The following SLC35D4 variants were observed in gnomAD, a reference collection of about 807,000 sequenced individuals.
The protein encoded by SLC35D4 is UDP-N-acetylglucosamine transporter SLC35D4.
chr18:23,430,362 C>A, the SLC35D4 span, among the ~76,000 whole-genome samples: 4 of 152,078 alleles, frequency 2.6e-5, no homozygotes, highest in South Asian at 8.3e-4. Context: ...TAATGAGACA[C>A]CACGCCTAGC....
At chr18:23,413,985 G>C in the SLC35D4 span, among the ~76,000 whole-genome samples, 7 of 149,668 alleles carry the variant, frequency 4.7e-5, no homozygotes, top group Non-Finnish European at 8.9e-5. Context: ...GGCTGGGCGC[G>C]GTGGCTCACG....
the SLC35D4 span, among the ~76,000 whole-genome samples, chr18:23,359,367 G>C: frequency 2.5e-4 from 36 of 144,368 alleles, no homozygotes; most frequent in East Asian, 7.3e-3. Context: ...CTGGGCGACA[G>C]AGTGAGACTC....
chr18:23,345,061 T>C, the SLC35D4 span, among the ~76,000 whole-genome samples: 1 of 152,208 alleles, frequency 6.6e-6, no homozygotes, highest in Admixed American at 6.5e-5. Flanking sequence ...CTAATAGTTT[T>C]CCAGTTTTAG....
the SLC35D4 span, chr18:23,297,233 T>C: frequency 1.3e-5 from 2 of 152,094 alleles, no homozygotes; most frequent in South Asian, 2.1e-4. Context: ...AAAATAAAAA[T>C]GAGAAAGGCC....
the SLC35D4 span, among the ~76,000 whole-genome samples, chr18:23,275,936 A>G: frequency 6.6e-6 from 1 of 152,226 alleles, no homozygotes; most frequent in Non-Finnish European, 1.5e-5. Flanking sequence ...GACCAGGGAC[A>G]GCGAAGGAAG....
chr18:23,287,154 G>A, the SLC35D4 span, among the ~76,000 whole-genome samples: 1 of 152,034 alleles, frequency 6.6e-6, no homozygotes, highest in East Asian at 1.9e-4. Context: ...CATTTTACCT[G>A]TCCTAAAACC....
the SLC35D4 span, among the ~76,000 whole-genome samples, chr18:23,413,954 A>T: frequency 3.4e-3 from 117 of 34,574 alleles, no homozygotes; most frequent in East Asian, 0.046. Flanking sequence ...AAAAAAAAAA[A>T]TTAAAAAAAA....
At chr18:23,358,344 G>A in the SLC35D4 span, among the ~76,000 whole-genome samples, 2 of 152,122 alleles carry the variant, frequency 1.3e-5, no homozygotes, top group Admixed American at 6.6e-5. Context: ...CAGGGTGAAC[G>A]GGACTCATGG....
the SLC35D4 span, among the ~76,000 whole-genome samples, chr18:23,251,102 T>A: frequency 6.6e-6 from 1 of 152,226 alleles, no homozygotes; most frequent in Non-Finnish European, 1.5e-5. Context: ...ATCCAGGGAA[T>A]CGACCTTCAC....
chr18:23,269,270 G>C, the SLC35D4 span, among the ~76,000 whole-genome samples: 1 of 152,186 alleles, frequency 6.6e-6, no homozygotes, highest in Admixed American at 6.5e-5. Flanking sequence ...CTGTTTTGGT[G>C]ATAGAGTTCT....
At chr18:23,395,926 G>C in the SLC35D4 span, among the ~76,000 whole-genome samples, 1 of 152,192 alleles carries the variant, frequency 6.6e-6, no homozygotes, top group Non-Finnish European at 1.5e-5. Flanking sequence ...AATATTCATG[G>C]TGGCTGTTCC....
chr18:23,408,716 A>T, the SLC35D4 span, among the ~76,000 whole-genome samples: 7 of 152,286 alleles, frequency 4.6e-5, no homozygotes, highest in South Asian at 1.4e-3. Flanking sequence ...CAACAAACTA[A>T]CTGCATTAAA....
At chr18:23,321,182 GC>G in the SLC35D4 span, among the ~76,000 whole-genome samples, 2 of 152,188 alleles carry the variant, frequency 1.3e-5, no homozygotes, top group African/African-American at 4.8e-5. Flanking sequence ...ACTCAGTATA[GC>G]TAGGAAGGGT....
the SLC35D4 span, among the ~76,000 whole-genome samples, chr18:23,313,022 G>C: frequency 6.6e-6 from 1 of 150,916 alleles, no homozygotes; most frequent in Admixed American, 6.6e-5. Flanking sequence ...AGCTACTAGG[G>C]AGGCTGAGGC....
chr18:23,317,833 C>T, the SLC35D4 span, among the ~76,000 whole-genome samples: 2 of 151,760 alleles, frequency 1.3e-5, no homozygotes, highest in African/African-American at 2.4e-5. Flanking sequence ...TCCGCCTCCA[C>T]GGTTCAAGCG....
chr18:23,306,222 C>CA, the SLC35D4 span, among the ~76,000 whole-genome samples: 1,200 of 130,848 alleles, frequency 9.2e-3, 11 homozygotes, highest in African/African-American at 0.027. Context: ...CAAACAAATG[C>CA]AAAAAAAAAA....
At chr18:23,261,994 T>G in the SLC35D4 span, among the ~76,000 whole-genome samples, 1 of 152,204 alleles carries the variant, frequency 6.6e-6, no homozygotes, top group Non-Finnish European at 1.5e-5. Context: ...ACAGGCTTAT[T>G]AAAGATGCAG....
chr18:23,341,418 C>T, the SLC35D4 span, among the ~76,000 whole-genome samples: 1 of 152,314 alleles, frequency 6.6e-6, no homozygotes. Flanking sequence ...GATGTGACAT[C>T]TTCGAAAACA....
the SLC35D4 span, among the ~76,000 whole-genome samples, chr18:23,413,966 A>AT: frequency 2.0e-5 from 3 of 149,342 alleles, no homozygotes; most frequent in African/African-American, 7.4e-5. Flanking sequence ...TAAAAAAAAA[A>AT]AAAAAGAGGG....
Sources: gnomAD v4.1 joint callset for allele counts (sites outside exome capture counted in the v4.1 genomes callset) on GRCh38, gnomAD v4.1.1 for gene constraint, MANE v1.5 for transcripts, NCBI Gene and HGNC (gene_info 2026-07-23, HGNC 2026-07-21) for gene names.